Variants in CSMD1 observed in about 807,000 individuals in gnomAD.
The protein encoded by CSMD1 is CUB and sushi domain-containing protein 1.
A neutral mutation model predicts 417.5 loss-of-function variants in CSMD1; 213 were observed. The ratio of observed to expected loss-of-function variants is 0.51; its 90% CI spans 0.46 to 0.57. CSMD1 has a LOEUF of 0.57. Among genes scored for constraint, CSMD1 ranks in the 20% least tolerant of loss-of-function variants. The pLI is 0.00. For synonymous variants in CSMD1, 2,862 were observed against 1,736.8 expected (o/e 1.65, Z -16.11); for missense variants, 6,923 against 4,529.7 (o/e 1.53, Z -15.17).
At chr8:4,841,930 A>G (rs112102572) in intron 1 of CSMD1, among the ~76,000 whole-genome samples, 1 of 122,426 alleles carries the variant, frequency 8.2e-6, no homozygotes, top group African/African-American at 3.3e-5. Context: ...AAAAAAAAAA[A>G]AAAAAAAAGT....
intron 5 of CSMD1, among the ~76,000 whole-genome samples, chr8:3,806,255 A>G (rs1004146451): frequency 6.6e-6 from 1 of 152,142 alleles, no homozygotes; most frequent in African/African-American, 2.4e-5. Flanking sequence ...TTGTTTTCAC[A>G]GTAGGATGGA....
intron 5 of CSMD1, among the ~76,000 whole-genome samples, chr8:3,810,717 A>G (rs1318635021): frequency 6.6e-6 from 1 of 152,172 alleles, no homozygotes; most frequent in Non-Finnish European, 1.5e-5. Context: ...TAAAACATTG[A>G]ATTTGTTATG....
intron 1 of CSMD1, among the ~76,000 whole-genome samples, chr8:4,668,422 A>G (rs1471066073): frequency 4.3e-4 from 52 of 121,092 alleles, no homozygotes; most frequent in African/African-American, 1.6e-3. Flanking sequence ...TTCCATTATT[A>G]TTATTATTAT....
intron 5 of CSMD1, among the ~76,000 whole-genome samples, chr8:3,980,204 G>T (rs1308361822): frequency 6.6e-6 from 1 of 152,148 alleles, no homozygotes; most frequent in Admixed American, 6.5e-5. Flanking sequence ...ATCAAAATTA[G>T]CTATGCCTCA....
At chr8:4,373,914 TC>T (rs1472496580) in intron 3 of CSMD1, among the ~76,000 whole-genome samples, 1 of 152,204 alleles carries the variant, frequency 6.6e-6, no homozygotes, top group Non-Finnish European at 1.5e-5. Flanking sequence ...AATGAAAATT[TC>T]CCCTTTCTCT....
chr8:4,467,335 T>C (rs1377141803), intron 2 of CSMD1, among the ~76,000 whole-genome samples: 1 of 152,096 alleles, frequency 6.6e-6, no homozygotes, highest in Non-Finnish European at 1.5e-5. Context: ...ATTGACCCAT[T>C]ACTGAATGTG....
chr8:4,827,260 G>A (rs534524975), intron 1 of CSMD1, among the ~76,000 whole-genome samples: 5 of 151,878 alleles, frequency 3.3e-5, no homozygotes, highest in African/African-American at 1.2e-4. Flanking sequence ...ATGAATTTAA[G>A]GACTAATATT....
chr8:4,499,689 T>C (rs1380938495), intron 2 of CSMD1, among the ~76,000 whole-genome samples: 2 of 152,252 alleles, frequency 1.3e-5, no homozygotes, highest in African/African-American at 4.8e-5. Context: ...TGAATAACTT[T>C]AATAAATGCA....
intron 37 of CSMD1, among the ~76,000 whole-genome samples, chr8:3,175,080 A>T (rs1554451107): frequency 6.6e-6 from 1 of 152,202 alleles, no homozygotes; most frequent in Non-Finnish European, 1.5e-5. Context: ...ACATATGTTA[A>T]TAATTGCAAA....
chr8:4,147,770 T>C (rs1001909708), intron 3 of CSMD1, among the ~76,000 whole-genome samples: 1 of 152,022 alleles, frequency 6.6e-6, no homozygotes, highest in Non-Finnish European at 1.5e-5. Context: ...GGACTTGCCA[T>C]GTGAGATCAG....
chr8:4,165,302 G>A (rs1057241058), intron 3 of CSMD1, among the ~76,000 whole-genome samples: 1 of 152,240 alleles, frequency 6.6e-6, no homozygotes, highest in Non-Finnish European at 1.5e-5. Flanking sequence ...TAAGTTCTGT[G>A]TGCCGGGTAT....
intron 5 of CSMD1, among the ~76,000 whole-genome samples, chr8:3,997,238 A>T (rs979278287): frequency 5.3e-5 from 8 of 152,224 alleles, no homozygotes; most frequent in Admixed American, 1.3e-4. Context: ...AAGTCTCTCA[A>T]ATGGCACTTA....
chr8:3,934,149 A>T (rs374904806), intron 5 of CSMD1, among the ~76,000 whole-genome samples: 1 of 152,196 alleles, frequency 6.6e-6, no homozygotes, highest in Non-Finnish European at 1.5e-5. Context: ...AGATGAGCTC[A>T]TATTTTACAG....
At chr8:4,793,028 C>T (rs995674977) in intron 1 of CSMD1, among the ~76,000 whole-genome samples, 9 of 151,312 alleles carry the variant, frequency 5.9e-5, no homozygotes, top group African/African-American at 2.0e-4. Context: ...ATACATAAGC[C>T]ATTAAGCCAT....
In CSMD1 at chr8:3,499,350, G is replaced by C. The variant is rs374476974; in HGVS notation, c.1345-5624C>G. 1.0e-3 allele frequency among the ~76,000 whole-genome samples: 156 copies of C among 152,118 alleles called. 2 individuals are homozygous for C. In the East Asian group the frequency reaches 0.025, roughly 24 times the overall value. The stretch of plus-strand genomic sequence containing the variant: ...AGCTCTAATGCAGATGGAGACTTTG[G>C]GGTGGCCTTGTTTTGGGGATATAGA... On this transcript the variant is annotated intron_variant, in intron 10 of 69. Transcript: ENST00000635120.
intron 1 of CSMD1, among the ~76,000 whole-genome samples, chr8:4,845,654 G>T (rs1410869284): frequency 6.6e-6 from 1 of 152,180 alleles, no homozygotes; most frequent in Non-Finnish European, 1.5e-5. Flanking sequence ...AAGAAGCACA[G>T]ACGGGAAAGA....
At chr8:4,155,754 T>A (rs1796801887) in intron 3 of CSMD1, among the ~76,000 whole-genome samples, 1 of 152,142 alleles carries the variant, frequency 6.6e-6, no homozygotes, top group African/African-American at 2.4e-5. Flanking sequence ...CTTTTGTCAT[T>A]GATCCCCGGA....
intron 4 of CSMD1, among the ~76,000 whole-genome samples, chr8:4,009,919 G>A (rs1585126131): frequency 6.6e-6 from 1 of 151,832 alleles, no homozygotes; most frequent in Non-Finnish European, 1.5e-5. Flanking sequence ...AAAAGCCCTG[G>A]TCTCCTCTGT....
chr8:3,629,276 A>T (rs1212038493), intron 7 of CSMD1, among the ~76,000 whole-genome samples: 4 of 150,840 alleles, frequency 2.7e-5, no homozygotes, highest in Non-Finnish European at 4.4e-5. Context: ...TCTGAATAAG[A>T]TGCTTAATGG....
Sources: gnomAD v4.1 joint callset for allele counts (sites outside exome capture counted in the v4.1 genomes callset) on GRCh38, gnomAD v4.1.1 for gene constraint, MANE v1.5 for transcripts, NCBI Gene and HGNC (gene_info 2026-07-23, HGNC 2026-07-21) for gene names.